The following RAPGEF2 variants were observed in gnomAD, a reference collection of about 807,000 sequenced individuals.
RAPGEF2 encodes the protein Rap guanine nucleotide exchange factor 2.
RAPGEF2 carries 54 observed loss-of-function variants against 186.7 expected under a neutral mutation model. That is an observed-to-expected ratio of 0.29 (90% confidence interval 0.23 to 0.36). The LOEUF is 0.36. Ranked by LOEUF, RAPGEF2 falls within the 10% of genes least tolerant of loss-of-function variation. The pLI, the probability that RAPGEF2 is intolerant of heterozygous loss-of-function variation, is 1.00. For missense variants in RAPGEF2, 1,532 were observed against 2,045.0 expected, an observed-to-expected ratio of 0.75 and a Z score of 4.84; for synonymous variants, 712 against 705.9, an observed-to-expected ratio of 1.01 and a Z score of -0.14.
At chr4:159,289,948 G>A (rs1036474667) in intron 7 of RAPGEF2, among the ~76,000 whole-genome samples, 2 of 152,132 alleles carry the variant, frequency 1.3e-5, no homozygotes, top group Admixed American at 6.6e-5. Context: ...AGTGTGAGAA[G>A]ATCAAAAGGA....
intron 2 of RAPGEF2, among the ~76,000 whole-genome samples, chr4:159,187,801 C>T (rs1251947077): frequency 6.6e-6 from 1 of 152,062 alleles, no homozygotes; most frequent in Non-Finnish European, 1.5e-5. Flanking sequence ...CTTGTTTTTT[C>T]CAGGTCTAGC....
At chr4:159,213,463 G>A (rs544937618) in intron 4 of RAPGEF2, among the ~76,000 whole-genome samples, 18 of 152,298 alleles carry the variant, frequency 1.2e-4, no homozygotes, top group African/African-American at 4.3e-4. Flanking sequence ...GTTTTGACGG[G>A]TAATTCACCT....
At chr4:159,250,957 A>G (rs1755271898) in intron 7 of RAPGEF2, among the ~76,000 whole-genome samples, 1 of 152,162 alleles carries the variant, frequency 6.6e-6, no homozygotes, top group Non-Finnish European at 1.5e-5. Flanking sequence ...GCTGTGCGCC[A>G]CGCTCATGGG....
intron 3 of RAPGEF2, among the ~76,000 whole-genome samples, chr4:159,203,413 C>G (rs1295996126): frequency 6.6e-6 from 1 of 152,036 alleles, no homozygotes; most frequent in African/African-American, 2.4e-5. Context: ...AGGAGAAACT[C>G]CCAATGTGAA....
intron 6 of RAPGEF2, among the ~76,000 whole-genome samples, chr4:159,243,455 C>T (rs977877204): frequency 1.3e-5 from 2 of 151,538 alleles, no homozygotes; most frequent in Non-Finnish European, 3.0e-5. Context: ...TCTTTATTAC[C>T]CCTACGCCAT....
At chr4:159,137,753 A>G (rs981713885) in intron 1 of RAPGEF2, among the ~76,000 whole-genome samples, 1 of 148,954 alleles carries the variant, frequency 6.7e-6, no homozygotes, top group African/African-American at 2.4e-5. Flanking sequence ...CTTACTGGGA[A>G]GGGAGGTTAA....
chr4:159,273,654 C>A (rs1561188697), intron 7 of RAPGEF2, among the ~76,000 whole-genome samples: 1 of 143,696 alleles, frequency 7.0e-6, no homozygotes, highest in African/African-American at 2.6e-5. Context: ...TTCTTTCTTT[C>A]TTTCTTTCTT....
At chr4:159,243,750 C>A in intron 6 of RAPGEF2, 24 bp from the exon 7 acceptor site, 1 of 1,270,448 alleles carries the variant, frequency 7.9e-7, no homozygotes, top group Non-Finnish European at 1.0e-6. Context: ...TCCTTTATGG[C>A]ACTCATTTCA....
At chr4:159,212,186 A>G (rs1444204165) in intron 4 of RAPGEF2, among the ~76,000 whole-genome samples, 1 of 152,158 alleles carries the variant, frequency 6.6e-6, no homozygotes, top group Admixed American at 6.5e-5. Flanking sequence ...ACCAGCTTCG[A>G]TAATTCTAGG....
At position 159,330,015 on chromosome 4, in the gene RAPGEF2, G is replaced by GAC; in HGVS notation, c.1302+9_1302+10dup. 6.2e-7 allele frequency: 1 copy of GAC among 1,606,518 alleles called. No homozygotes were observed. The highest frequency in any genetic ancestry group is 8.5e-7 in the Non-Finnish European group (1 of 1,177,150). ...AAGGGACACATTGTCATCAAGGTAG[G>GAC]ACACAGGACCACTCCTTCCCAAGGA... On this transcript the variant is annotated splice_donor_region_variant and intron_variant, in intron 12 of 29. Coordinates refer to ENST00000691494, the MANE Select transcript of RAPGEF2 (RefSeq NM_001394067.2).
intron 1 of RAPGEF2, among the ~76,000 whole-genome samples, chr4:159,176,498 G>A (rs963914107): frequency 6.6e-5 from 10 of 152,110 alleles, no homozygotes; most frequent in African/African-American, 1.9e-4. Flanking sequence ...GCAAAAAAAT[G>A]TTAAAAAGGT....
Position 159,343,930 on chromosome 4 carries a change from T to C in RAPGEF2, c.3255-106T>C, listed in dbSNP as rs960436846. The C allele has an allele frequency of 3.4e-6, 4 of 1,182,932 alleles. No homozygotes were observed. The African/African-American group carries it at 4.5e-5, about 13-fold the overall frequency. The allele number at this position is 1,182,932 out of a possible 1,614,324, so 73.3% of individuals were successfully genotyped here. Reference sequence around the variant, plus strand: ...ATTATGCAGTTTAATGTTTGTGGGCTTCTAGAACTGCTTATCCAGAAGTCT... The same window carrying C: ...ATTATGCAGTTTAATGTTTGTGGGCCTCTAGAACTGCTTATCCAGAAGTCT... On this transcript the variant is annotated intron_variant, in intron 22 of 29. Transcript: ENST00000691494.
At chr4:159,249,776 A>G (rs1755092467) in intron 7 of RAPGEF2, among the ~76,000 whole-genome samples, 1 of 152,136 alleles carries the variant, frequency 6.6e-6, no homozygotes, top group South Asian at 2.1e-4. Context: ...TATAATTCAC[A>G]TGCCATACAA....
intron 4 of RAPGEF2, among the ~76,000 whole-genome samples, chr4:159,219,838 A>G (rs938439252): frequency 3.3e-5 from 5 of 152,110 alleles, no homozygotes; most frequent in Non-Finnish European, 7.4e-5. Context: ...TCTGTCCTAA[A>G]CTGCTCACCT....
chr4:159,208,536 T>C (rs1750194739), intron 3 of RAPGEF2, among the ~76,000 whole-genome samples: 1 of 152,210 alleles, frequency 6.6e-6, no homozygotes, highest in African/African-American at 2.4e-5. Context: ...TGAGGATGGC[T>C]GAACCATAAA....
At chr4:159,197,218 T>C (rs1489200466) in intron 3 of RAPGEF2, among the ~76,000 whole-genome samples, 1 of 152,228 alleles carries the variant, frequency 6.6e-6, no homozygotes, top group Non-Finnish European at 1.5e-5. Flanking sequence ...CAATAAGAAG[T>C]TGGGAATTTG....
At chr4:159,288,560 T>G (rs900074134) in intron 7 of RAPGEF2, among the ~76,000 whole-genome samples, 1 of 152,084 alleles carries the variant, frequency 6.6e-6, no homozygotes, top group Non-Finnish European at 1.5e-5. Context: ...AGAATGATCT[T>G]ATAAAACAAA....
intron 5 of RAPGEF2, among the ~76,000 whole-genome samples, chr4:159,240,633 T>G (rs1488596298): frequency 1.3e-5 from 2 of 151,970 alleles, no homozygotes; most frequent in Non-Finnish European, 2.9e-5. Context: ...GTGCCTGGCC[T>G]AAAATTTTTT....
intron 1 of RAPGEF2, among the ~76,000 whole-genome samples, chr4:159,104,508 G>C (rs1308174540): frequency 3.1e-5 from 4 of 128,626 alleles, no homozygotes; most frequent in East Asian, 2.1e-4. Context: ...GAGAGAGAGA[G>C]AGAGAGAGAG....
Sources: gnomAD v4.1 joint callset for allele counts (sites outside exome capture counted in the v4.1 genomes callset) on GRCh38, gnomAD v4.1.1 for gene constraint, MANE v1.5 for transcripts, NCBI Gene and HGNC (gene_info 2026-07-23, HGNC 2026-07-21) for gene names.